The following MTIF2 variants were observed in gnomAD, a reference collection of about 807,000 sequenced individuals.
MTIF2 encodes the protein mitochondrial translational initiation factor 2.
Under a neutral mutation model 83.5 loss-of-function variants are expected in MTIF2, and 71 were observed. That is an observed-to-expected ratio of 0.85 (90% CI 0.70 to 1.04). MTIF2 has a LOEUF of 1.04. MTIF2 is among the 50% of genes least tolerant of loss of function. The probability of loss-of-function intolerance (pLI) is 0.00; values close to 1 mark genes in which losing one functional copy is unlikely to be tolerated. For synonymous variants in MTIF2, 319 were observed against 287.1 expected (o/e 1.11, Z -1.12); for missense variants, 957 against 846.5 (o/e 1.13, Z -1.62).
In MTIF2 at chr2:55,236,700, C is replaced by T; in HGVS notation, c.2132G>A (p.Cys711Tyr). The stretch of plus-strand genomic sequence containing the variant: ...GGCTTGAATTTGCTTTTCTTCATAA[C>T]AAACAATTCTGTCTCCCACTTGAAA... The part of the protein sequence containing the change: ...MEFQVGDRIV[C>Y]YEEKQIQAKT... The change falls in exon 16 of 16, where the codon TGT becomes TAT. Residue 711 changes from cysteine to tyrosine, a missense_variant. Cys to Tyr is a radical substitution (Grantham distance 194). Around this residue, in one of 3 missense-constraint regions of MTIF2, gnomAD observed 221 missense variants for 180.6 expected, o/e 1.22. Coordinates refer to ENST00000263629, the MANE Select transcript of MTIF2 (RefSeq NM_002453.3). The T allele has an allele frequency of 6.2e-7, 1 of 1,604,526 alleles. No homozygotes were observed. Among genetic ancestry groups the T allele is most frequent in the Non-Finnish European group, 8.5e-7 (1 of 1,177,378 alleles).
At chr2:55,265,711 A>G (rs1678380278) in intron 3 of MTIF2, among the ~76,000 whole-genome samples, 1 of 152,102 alleles carries the variant, frequency 6.6e-6, no homozygotes, top group South Asian at 2.1e-4. Flanking sequence ...AAATAAGGTC[A>G]TATTAATTTT....
rs370952976 is a variant in MTIF2 at position 55,263,745 on chromosome 2, T to C, written c.114A>G (p.Ser38=). 2 of 1,614,184 alleles carry C rather than the reference T, an allele frequency of 1.2e-6. No homozygotes were observed. Among genetic ancestry groups the C allele is most frequent in the African/African-American group, 1.3e-5 (1 of 75,054 alleles). The change falls in exon 4 of 16, where the codon TCA becomes TCG. Residue 38 remains serine (S), a synonymous_variant. Transcript: ENST00000263629. Reference sequence around the variant, plus strand: ...GAGCTGTCCACACAGGGTAAGCAGATGAAAACCCATGCCTCCACTGTCTTA... The same window carrying C: ...GAGCTGTCCACACAGGGTAAGCAGACGAAAACCCATGCCTCCACTGTCTTA... ...RALRQWRHGF[S]SAYPVWTAQL...
intron 9 of MTIF2, among the ~76,000 whole-genome samples, chr2:55,248,863 T>C (rs2576708): frequency 0.56 from 84,565 of 152,018 alleles, 24,108 homozygotes; most frequent in Non-Finnish European, 0.63. Flanking sequence ...TGGTCAGGCA[T>C]GGTGGCTCAC....
At chr2:55,241,919 A>AG (rs1676344951) in intron 13 of MTIF2, among the ~76,000 whole-genome samples, 6 of 152,100 alleles carry the variant, frequency 3.9e-5, no homozygotes, top group Non-Finnish European at 8.8e-5. Flanking sequence ...AGGCCAAAAC[A>AG]GGTAGACCAC....
chr2:55,267,140 G>A (rs1375254653), intron 3 of MTIF2, among the ~76,000 whole-genome samples: 1 of 151,804 alleles, frequency 6.6e-6, no homozygotes, highest in Non-Finnish European at 1.5e-5. Flanking sequence ...GTATGGTTCT[G>A]ACATGGTAAA....
Position 55,244,232 on chromosome 2 carries a change from G to C in MTIF2, c.1108C>G (p.Leu370Val). ...IESFTDKGRG[L>V]VTTAIIQRGT... The stretch of plus-strand genomic sequence containing the variant: ...CTTTGAATTATAGCTGTAGTAACAA[G>C]ACTAAAATGAAAATAAAAGTATATT... The change falls in exon 11 of 16, where the codon CTT becomes GTT. Residue 370 changes from leucine (L) to valine (V), a missense_variant and splice_region_variant. This residue lies in a region of MTIF2 where 733 missense variants were observed against 648.7 expected (regional missense o/e 1.13). Transcript: ENST00000263629. 2 of 1,603,606 alleles carry C rather than the reference G, an allele frequency of 1.2e-6. No homozygotes were observed. Among genetic ancestry groups the C allele is most frequent in the East Asian group, 2.2e-5 (1 of 44,814 alleles).
At position 55,263,871 on chromosome 2, in the gene MTIF2, GAA is replaced by G. The variant is rs151189093; in HGVS notation, c.-7-8_-7-7del. The G allele has an allele frequency of 1.2e-5, 18 of 1,441,346 alleles. No homozygotes were observed. Among genetic ancestry groups the G allele is most frequent in the Admixed American group, 2.1e-5 (1 of 48,448 alleles). 89.3% of individuals were successfully genotyped at this position (1,441,346 alleles called of 1,614,324 possible). ...GCTTCTGGTTCATGTTTCTCCTGGG[GAA>G]AAAAAAAAGGTTTTAAAATAATATT... is the stretch of plus-strand genomic sequence containing the variant. On this transcript the variant is annotated splice_region_variant and splice_polypyrimidine_tract_variant and intron_variant, in intron 3 of 15. Transcript: ENST00000263629.
chr2:55,248,342 C>G (rs553005629), intron 9 of MTIF2, among the ~76,000 whole-genome samples: 89 of 152,126 alleles, frequency 5.9e-4, no homozygotes, highest in African/African-American at 2.1e-3. Context: ...CGCATAATTT[C>G]TAACTATCTT....
Position 55,242,685 on chromosome 2 carries a change from A to T in MTIF2, c.1705+255T>A, listed in dbSNP as rs185205189. ...GAGGGGGCAGTAATGGTGCTTTTAA[A>T]AAAAAAAGATAAACGTGACCAGGTC... On this transcript the variant is annotated intron_variant, in intron 13 of 15. Coordinates refer to ENST00000263629, the MANE Select transcript of MTIF2 (RefSeq NM_002453.3). Among the ~76,000 whole-genome samples the T allele has an allele frequency of 2.1e-3, 317 of 151,946 alleles. 6 individuals are homozygous for T. In the East Asian group the frequency reaches 0.055, roughly 26 times the overall value.
At position 55,246,425 on chromosome 2, in the gene MTIF2, C is replaced by A; in HGVS notation, c.1018G>T (p.Ala340Ser). 1 of 1,613,692 alleles carries A rather than the reference C, an allele frequency of 6.2e-7. No homozygotes were observed. The highest frequency in any genetic ancestry group is 8.5e-7 in the Non-Finnish European group (1 of 1,179,652). The change falls in exon 10 of 16, where the codon GCT becomes TCT. Residue 340 changes from alanine (A) to serine (S), a missense_variant. Ala to Ser is a moderately conservative substitution (Grantham distance 99, BLOSUM62 1). This residue lies in a region of MTIF2 where 733 missense variants were observed against 648.7 expected (regional missense o/e 1.13). Transcript: ENST00000263629. ...TTCAATTCTAACATTTCTGCAAGAG[C>A]AACTGTTGCTTCTGCCAAAGCCATC... ...NLMALAEATV[A>S]LAEMLELKAD...
intron 4 of MTIF2, 122 bp downstream of exon 4, chr2:55,263,515 CAGG>C (rs1678192129): frequency 1.5e-6 from 1 of 666,502 alleles, no homozygotes; most frequent in Non-Finnish European, 2.5e-6. Flanking sequence ...GAGGCTGAGG[CAGG>C]AGAATTGCTT....
At chr2:55,252,223 G>T (rs1016846872) in intron 8 of MTIF2, among the ~76,000 whole-genome samples, 1 of 151,568 alleles carries the variant, frequency 6.6e-6, no homozygotes, top group Non-Finnish European at 1.5e-5. Flanking sequence ...ATGATAAAAA[G>T]TTGAAAAAAA....
At chr2:55,256,598 G>C (rs998572778) in intron 5 of MTIF2, among the ~76,000 whole-genome samples, 2 of 150,720 alleles carry the variant, frequency 1.3e-5, no homozygotes, top group Admixed American at 6.6e-5. Context: ...CCAGCTACTC[G>C]GGAGGCTGAG....
Position 55,246,320 on chromosome 2 carries a change from C to A in MTIF2, c.1106+17G>T. On this transcript the variant is annotated intron_variant, in intron 10 of 15. Coordinates refer to ENST00000263629, the MANE Select transcript of MTIF2 (RefSeq NM_002453.3). ...CCACAGAACAAATTAAAAAGGCAAG[C>A]ATTTTAAGAGTCCTACCCTCTTCCT... 6.3e-7 allele frequency: 1 copy of A among 1,585,066 alleles called. No individual in the cohort carries two copies. Among genetic ancestry groups the A allele is most frequent in the South Asian group, 1.2e-5 (1 of 85,662 alleles).
intron 11 of MTIF2, 34 bp from the exon 12 acceptor site, chr2:55,243,702 T>A (rs754143927): frequency 3.1e-6 from 5 of 1,597,340 alleles, no homozygotes; most frequent in Non-Finnish European, 4.3e-6. Flanking sequence ...TTTAATGAAA[T>A]AGACATCAAT....
chr2:55,267,992 C>T (rs1678559694), intron 2 of MTIF2, among the ~76,000 whole-genome samples: 1 of 152,112 alleles, frequency 6.6e-6, no homozygotes, highest in Non-Finnish European at 1.5e-5. Context: ...ATGGCTCATG[C>T]CTGTAATCCT....
intron 10 of MTIF2, 89 bp downstream of exon 10, chr2:55,246,248 A>T: frequency 1.5e-6 from 2 of 1,299,818 alleles, no homozygotes; most frequent in South Asian, 1.6e-5. Context: ...AACTAACAAT[A>T]ACATGTAACA....
rs1026830214 is a variant in MTIF2, at chr2:55,268,709, T to C, written c.-206A>G. ...CGTTCTGACTCCCAGTACGGTGTTG[T>C]TTCGCCGCTAGGATATCCTTGTCAA... On this transcript the variant is annotated 5_prime_UTR_variant, in exon 2 of 16. Transcript: ENST00000263629. 6.6e-6 allele frequency: 1 copy of C among 152,272 alleles called. No individual in the cohort carries two copies. The highest frequency in any genetic ancestry group is 1.5e-5 in the Non-Finnish European group (1 of 68,078). 9.4% of individuals were successfully genotyped at this position (152,272 alleles called of 1,614,324 possible).
chr2:55,237,649 C>CTTTTTTTTTTTTTTTTTTTT (rs536036933), intron 14 of MTIF2, among the ~76,000 whole-genome samples: 4 of 112,990 alleles, frequency 3.5e-5, no homozygotes, highest in African/African-American at 6.9e-5. Context: ...TTCTTTTTTT[C>CTTTTTTTTTTTTTTTTTTTT]TTTTTTTTTT....
Sources: gnomAD v4.1 joint callset for allele counts (sites outside exome capture counted in the v4.1 genomes callset) on GRCh38, gnomAD v4.1.1 for gene constraint, gnomAD v4.1.1 regional missense constraint, MANE v1.5 for transcripts, NCBI Gene and HGNC (gene_info 2026-07-23, HGNC 2026-07-21) for gene names.